Variants in ZNF221 observed in about 807,000 individuals in gnomAD.
ZNF221 encodes the protein zinc finger protein 221.
Under a neutral mutation model 12.6 loss-of-function variants are expected in ZNF221, and 10 were observed. The observed-to-expected ratio is 0.79, with a 90% CI of 0.49 to 1.34. The LOEUF (loss-of-function observed/expected upper bound fraction) is 1.34, where lower values mean the gene tolerates loss of function less well. ZNF221 is among the 40% of genes most tolerant of loss of function. ZNF221 has a pLI of 0.00. For synonymous variants in ZNF221, 232 were observed against 244.0 expected (o/e 0.95, Z 0.46); for missense variants, 661 against 721.4 (o/e 0.92, Z 0.96).
intron 1 of ZNF221, among the ~76,000 whole-genome samples, chr19:43,960,635 A>C (rs551714950): frequency 3.3e-5 from 5 of 152,322 alleles, no homozygotes; most frequent in Admixed American, 6.5e-5. Context: ...CCCTGCCCTG[A>C]GCAGCCTCAA....
Position 43,966,863 on chromosome 19 carries a change from A to G in ZNF221, c.1361A>G (p.Glu454Gly). 1 of 1,614,210 alleles carries G rather than the reference A, an allele frequency of 6.2e-7. No homozygotes were observed. The highest frequency in any genetic ancestry group is 1.7e-5 in the Admixed American group (1 of 60,032). The change falls in exon 5 of 5, where the codon GAG becomes GGG. Residue 454 changes from glutamate (E) to glycine (G), a missense_variant. By Grantham distance (98) the Glu-to-Gly change is moderately conservative (BLOSUM62 -2). Transcript: ENST00000587682. ...HNGEKPYNCE[E>G]CGKDYKRRLD... ...GGAGAAAAGCCATATAACTGTGAGG[A>G]GTGTGGTAAGGACTATAAAAGGAGG...
chr19:43,953,257 CT>C (rs60450738), intron 1 of ZNF221, among the ~76,000 whole-genome samples: 25,336 of 141,858 alleles, frequency 0.18, 3,998 homozygotes, highest in African/African-American at 0.42. Context: ...AGTCATTAAG[CT>C]TTTTTTTTTT....
At chr19:43,951,499 T>G (rs545129434) in intron 1 of ZNF221, 99 bp downstream of exon 1, 1 of 152,344 alleles carries the variant, frequency 6.6e-6, no homozygotes, top group African/African-American at 2.4e-5. Flanking sequence ...CCTGTCACGT[T>G]TCGCCCTATT....
rs1432411523 is a variant in ZNF221 at position 43,966,839 on chromosome 19, G to T, written c.1337G>T (p.Gly446Val). Residue 446 changes from glycine (G) to valine (V), a missense_variant, in exon 5 of 5, where the codon GGA becomes GTA. Gly to Val is a moderately radical substitution (Grantham distance 109, BLOSUM62 -3). Coordinates refer to ENST00000587682, the MANE Select transcript of ZNF221 (RefSeq NM_001297588.2). The part of the protein sequence containing the change: ...RRSSHQRSHN[G>V]EKPYNCEECG... ...TCTTCCCATCAGAGATCCCACAATG[G>T]AGAAAAGCCATATAACTGTGAGGAG... 6.8e-6 allele frequency: 11 copies of T among 1,614,200 alleles called. No individual in the cohort carries two copies. The highest frequency in any genetic ancestry group is 8.5e-6 in the Non-Finnish European group (10 of 1,180,050).
chr19:43,972,234 G>C (rs1975112847), downstream of ZNF221, among the ~76,000 whole-genome samples: 1 of 152,064 alleles, frequency 6.6e-6, no homozygotes, highest in Non-Finnish European at 1.5e-5. Context: ...AAACTAATAA[G>C]AATAAAGACA....
chr19:43,974,852 T>C, the ZNF221 span, among the ~76,000 whole-genome samples: 2 of 151,990 alleles, frequency 1.3e-5, no homozygotes, highest in South Asian at 2.1e-4. Context: ...AACGAACCCC[T>C]GTCTCTACTA....
intron 4 of ZNF221, among the ~76,000 whole-genome samples, chr19:43,965,556 CG>C (rs1343983026): frequency 6.6e-6 from 1 of 151,984 alleles, no homozygotes; most frequent in Non-Finnish European, 1.5e-5. Flanking sequence ...GAATTAGTAA[CG>C]GGTTAAGTGT....
Position 43,966,343 on chromosome 19 carries a change from C to T in ZNF221, c.841C>T (p.Pro281Ser), listed in dbSNP as rs199825129. ...TTGCAAATTGCACACAGGAGAGAAA[C>T]CTTATAATTGTGAGGAATGTGGGAA... ...VHCKLHTGEK[P>S]YNCEECGKAF... The change falls in exon 5 of 5, where the codon CCT becomes TCT. Residue 281 changes from proline (P) to serine (S), a missense_variant. Physicochemically the swap from Pro to Ser is moderately conservative, Grantham distance 74. Transcript: ENST00000587682. The T allele has an allele frequency of 4.2e-5, 68 of 1,613,990 alleles. No homozygotes were observed. The highest frequency in any genetic ancestry group is 3.4e-6 in the Non-Finnish European group (4 of 1,180,012).
intron 1 of ZNF221, among the ~76,000 whole-genome samples, chr19:43,956,299 T>C (rs1974752608): frequency 6.6e-6 from 1 of 152,226 alleles, no homozygotes; most frequent in Non-Finnish European, 1.5e-5. Context: ...ATGCCTTCTG[T>C]TTTGTAATGC....
Position 43,965,442 on chromosome 19 carries a change from C to A in ZNF221, c.301+117C>A, listed in dbSNP as rs182332125. 10 of 797,242 alleles carry A rather than the reference C, an allele frequency of 1.3e-5. No homozygotes were observed. In the African/African-American group the frequency reaches 1.6e-4, roughly 13 times the overall value. The allele number at this position is 797,242 out of a possible 1,614,324, so 49.4% of individuals were successfully genotyped here. On this transcript the variant is annotated intron_variant, in intron 4 of 4. Transcript: ENST00000587682. ...GCCAAACTTCTTTCATAACTTATTG[C>A]AACTGCCTTCCTTCTTTAAAGTTCC...
chr19:43,955,673 C>T (rs1323911001), intron 1 of ZNF221, among the ~76,000 whole-genome samples: 2 of 152,192 alleles, frequency 1.3e-5, no homozygotes, highest in Non-Finnish European at 2.9e-5. Context: ...GGGTTTCTAC[C>T]ACCATTCAGT....
chr19:43,959,747 A>C (rs972376557), intron 1 of ZNF221, among the ~76,000 whole-genome samples: 5 of 152,220 alleles, frequency 3.3e-5, no homozygotes, highest in Non-Finnish European at 7.3e-5. Flanking sequence ...TTACAGTCTG[A>C]ATAAATGTAA....
At chr19:43,952,254 G>T (rs1474623604) in intron 1 of ZNF221, among the ~76,000 whole-genome samples, 1 of 152,144 alleles carries the variant, frequency 6.6e-6, no homozygotes, top group African/African-American at 2.4e-5. Context: ...GTTTTGTCAA[G>T]AGTGGTGACA....
At chr19:43,953,162 G>A (rs1299095376) in intron 1 of ZNF221, among the ~76,000 whole-genome samples, 1 of 151,708 alleles carries the variant, frequency 6.6e-6, no homozygotes, top group African/African-American at 2.4e-5. Flanking sequence ...TGTTGGCCAG[G>A]CTAGTCTCGA....
intron 3 of ZNF221, 65 bp from the exon 4 acceptor site, chr19:43,965,168 A>G: frequency 1.3e-6 from 2 of 1,593,876 alleles, no homozygotes; most frequent in Non-Finnish European, 1.7e-6. Flanking sequence ...CTAAATTTCC[A>G]GTAAATTTTC....
chr19:43,954,172 T>C (rs934186361), intron 1 of ZNF221, among the ~76,000 whole-genome samples: 2 of 151,226 alleles, frequency 1.3e-5, no homozygotes, highest in African/African-American at 4.9e-5. Flanking sequence ...ATAAGTCCAG[T>C]CCAGTGGGTG....
rs960267282 is a variant in ZNF221 at position 43,966,935 on chromosome 19, A to G, written c.1433A>G (p.Tyr478Cys). The change falls in exon 5 of 5, where the codon TAT becomes TGT. Residue 478 changes from tyrosine to cysteine, a missense_variant. Tyr to Cys is a radical substitution (Grantham distance 194). Transcript: ENST00000587682. ...AGGGTCCACACGGGTGAGAGACCCT[A>G]TAATTGTAAGGAATGTGGCAAGAGC... ...HQRVHTGERP[Y>C]NCKECGKSFG... The G allele has an allele frequency of 3.1e-6, 5 of 1,614,114 alleles. No individual in the cohort carries two copies. The Admixed American group carries it at 5.0e-5, about 16-fold the overall frequency.
intron 1 of ZNF221, among the ~76,000 whole-genome samples, chr19:43,958,354 T>G (rs1018956764): frequency 3.9e-5 from 6 of 152,176 alleles, no homozygotes; most frequent in Admixed American, 3.9e-4. Flanking sequence ...CAGATGAATA[T>G]CCCAGTCATC....
chr19:43,956,220 C>T (rs975904400), intron 1 of ZNF221, among the ~76,000 whole-genome samples: 5 of 152,188 alleles, frequency 3.3e-5, no homozygotes, highest in Admixed American at 1.3e-4. Flanking sequence ...CTACACTGTG[C>T]GGACTCAGGC....
Sources: gnomAD v4.1 joint callset for allele counts (sites outside exome capture counted in the v4.1 genomes callset) on GRCh38, gnomAD v4.1.1 for gene constraint, MANE v1.5 for transcripts, NCBI Gene and HGNC (gene_info 2026-07-23, HGNC 2026-07-21) for gene names.